The following INSC variants were observed in gnomAD, a reference collection of about 807,000 sequenced individuals.
The protein encoded by INSC is protein inscuteable homolog.
Under a neutral mutation model 58.6 loss-of-function variants are expected in INSC, and 67 were observed. The observed-to-expected ratio is 1.14, with a 90% CI of 0.94 to 1.40. The LOEUF (loss-of-function observed/expected upper bound fraction) is 1.40. INSC is among the 40% of genes most tolerant of loss of function. INSC has a pLI of 0.00. For synonymous variants in INSC, 262 were observed against 276.1 expected (o/e 0.95, Z 0.51); for missense variants, 714 against 692.0 (o/e 1.03, Z -0.36).
At chr11:15,167,444 C>T (rs1268877597) in intron 2 of INSC, among the ~76,000 whole-genome samples, 1 of 151,950 alleles carries the variant, frequency 6.6e-6, no homozygotes, top group African/African-American at 2.4e-5. Context: ...TAAACAATCT[C>T]TATAAATAAC....
rs543392236 is a variant in INSC at position 15,186,423 on chromosome 11, C to T, written c.580-4278C>T. On this transcript the variant is annotated intron_variant, in intron 5 of 12. Coordinates refer to ENST00000379556, the MANE Select transcript of INSC (RefSeq NM_001042536.3). Reference sequence around the variant, plus strand: ...CATCTGGATCTGAGCTACTTTTCTGCTTTTATTTCCCTTCGCTTTCTGACA... The same window carrying T: ...CATCTGGATCTGAGCTACTTTTCTGTTTTTATTTCCCTTCGCTTTCTGACA... Among the ~76,000 whole-genome samples, 582 of 152,268 alleles carry T rather than the reference C, an allele frequency of 3.8e-3. 5 individuals are homozygous for T. The highest frequency in any genetic ancestry group is 0.013 in the African/African-American group (546 of 41,554).
the INSC span, among the ~76,000 whole-genome samples, chr11:15,252,462 C>T: frequency 6.6e-6 from 1 of 152,188 alleles, no homozygotes; most frequent in Non-Finnish European, 1.5e-5. Context: ...GATCTGCTTT[C>T]AAGGTTGCTC....
intron 7 of INSC, among the ~76,000 whole-genome samples, chr11:15,209,257 A>ACCACTCTGAGCCC (rs1270548712): frequency 6.6e-6 from 1 of 151,930 alleles, no homozygotes; most frequent in African/African-American, 2.4e-5. Context: ...GTGACCTTGC[A>ACCACTCTGAGCCC]CCCCTCTGAG....
rs574317933 is a variant in INSC at position 15,225,316 on chromosome 11, A to G, written c.992-334A>G. The stretch of plus-strand genomic sequence containing the variant: ...TTTAAAAGCTTATTTTCTCTTGCCC[A>G]CTAGTAAAGTGTGAGCTCAACAAAG... On this transcript the variant is annotated intron_variant, in intron 8 of 12. Coordinates refer to ENST00000379556, the MANE Select transcript of INSC (RefSeq NM_001042536.3). Among the ~76,000 whole-genome samples the G allele has an allele frequency of 2.0e-5, 3 of 152,166 alleles. No homozygotes were observed. The South Asian group carries it at 6.2e-4, about 31-fold the overall frequency.
chr11:15,119,968 C>T (rs957640604), intron 1 of INSC, among the ~76,000 whole-genome samples: 12 of 152,156 alleles, frequency 7.9e-5, no homozygotes, highest in African/African-American at 1.2e-4. Flanking sequence ...TTTCTTATGC[C>T]ACCCACTTTC....
At chr11:15,260,897 C>A in the INSC span, among the ~76,000 whole-genome samples, 36 of 152,120 alleles carry the variant, frequency 2.4e-4, no homozygotes, top group Admixed American at 5.2e-4. Context: ...ATAGGAGCTA[C>A]AAATTAATAT....
In INSC at chr11:15,242,932, G is replaced by A. The variant is rs1379821471; in HGVS notation, c.1470+2409G>A. Among the ~76,000 whole-genome samples, 3 of 152,268 alleles carry A rather than the reference G, an allele frequency of 2.0e-5. No individual in the cohort carries two copies. In the East Asian group the frequency reaches 5.8e-4, roughly 29 times the overall value. On this transcript the variant is annotated intron_variant, in intron 12 of 12. Transcript: ENST00000379556. Reference sequence around the variant, plus strand: ...CTGCACTTTTCAACCAGACCATCTTGTTCCAAGCCATGCTCTTTCTCTCCC... The same window carrying A: ...CTGCACTTTTCAACCAGACCATCTTATTCCAAGCCATGCTCTTTCTCTCCC...
chr11:15,181,420 C>G (rs889757914), intron 5 of INSC, among the ~76,000 whole-genome samples: 3 of 152,230 alleles, frequency 2.0e-5, no homozygotes, highest in South Asian at 2.1e-4. Flanking sequence ...CTCCCCACCC[C>G]CTTCACCCCA....
chr11:15,139,031 G>A (rs1848310397), intron 1 of INSC, among the ~76,000 whole-genome samples: 1 of 152,178 alleles, frequency 6.6e-6, no homozygotes, highest in Non-Finnish European at 1.5e-5. Flanking sequence ...ATTTGCTCAA[G>A]GCTTTAGATT....
chr11:15,225,130 T>G (rs1011163452), intron 8 of INSC, among the ~76,000 whole-genome samples: 5 of 152,216 alleles, frequency 3.3e-5, no homozygotes, highest in Non-Finnish European at 1.5e-5. Context: ...CCCCAAGTAT[T>G]TTTATGACTG....
intron 5 of INSC, among the ~76,000 whole-genome samples, chr11:15,190,427 C>T (rs1225565055): frequency 6.6e-6 from 1 of 152,192 alleles, no homozygotes; most frequent in Non-Finnish European, 1.5e-5. Context: ...ATGTTGGGAG[C>T]TGATTTTCTG....
intron 9 of INSC, among the ~76,000 whole-genome samples, chr11:15,234,459 C>T (rs1167708831): frequency 6.6e-6 from 1 of 152,162 alleles, no homozygotes; most frequent in Non-Finnish European, 1.5e-5. Flanking sequence ...AGATAATACT[C>T]TTTCTTGGTA....
intron 2 of INSC, among the ~76,000 whole-genome samples, chr11:15,156,705 A>C (rs563702848): frequency 6.6e-6 from 1 of 152,334 alleles, no homozygotes; most frequent in East Asian, 1.9e-4. Flanking sequence ...TGGGGATGGC[A>C]ATCTCCAATC....
At chr11:15,113,143 T>TTCTTTCTTTCTCTCTCTC, upstream of INSC, among the ~76,000 whole-genome samples, 8 of 98,670 alleles carry the variant, frequency 8.1e-5, 1 homozygote, top group East Asian at 2.5e-4. Context: ...CTTTCTTTCT[T>TTCTTTCTTTCTCTCTCTC]TCTGTCTCTC....
intron 7 of INSC, 112 bp from the exon 8 acceptor site, chr11:15,221,365 G>A: frequency 1.6e-6 from 2 of 1,285,420 alleles, no homozygotes; most frequent in Non-Finnish European, 2.2e-6. Flanking sequence ...GTTCTGGGAA[G>A]CCAGAGCTGG....
chr11:15,241,304 G>A (rs1311364074), intron 12 of INSC, among the ~76,000 whole-genome samples: 1 of 152,164 alleles, frequency 6.6e-6, no homozygotes, highest in African/African-American at 2.4e-5. Flanking sequence ...GAACATAAGG[G>A]GGAAGTGATG....
chr11:15,112,538 C>A, upstream of INSC: 1 of 1,599,010 alleles, frequency 6.3e-7, no homozygotes, highest in Non-Finnish European at 8.5e-7. Context: ...TATGGGGAGT[C>A]CAGGAGTCCA....
intron 1 of INSC, among the ~76,000 whole-genome samples, chr11:15,132,453 C>T (rs1046266988): frequency 6.6e-6 from 1 of 152,014 alleles, no homozygotes; most frequent in Non-Finnish European, 1.5e-5. Context: ...ACTCAGCTAA[C>T]TTTTTAAATT....
Position 15,237,816 on chromosome 11 carries a change from G to A in INSC, c.1238-1103G>A, listed in dbSNP as rs1450599602. ...TCATAATAAGCTTTAACAATTTGTT[G>A]TGCAGAAATGAGGTCCTAGGGTTAA... On this transcript the variant is annotated intron_variant, in intron 10 of 12. Transcript: ENST00000379556. 1.1e-4 allele frequency among the ~76,000 whole-genome samples: 17 copies of A among 152,172 alleles called. 1 individual carries two copies. Among genetic ancestry groups the A allele is most frequent in the Admixed American group, 1.1e-3 (17 of 15,270 alleles).
Sources: allele counts gnomAD v4.1 joint callset (sites outside exome capture counted in the v4.1 genomes callset), GRCh38; gene constraint gnomAD v4.1.1; transcripts MANE v1.5; gene names NCBI Gene and HGNC (gene_info 2026-07-23, HGNC 2026-07-21).